Variants in PCLO observed in about 807,000 individuals in gnomAD.
PCLO encodes the protein protein piccolo.
A neutral mutation model predicts 427.5 loss-of-function variants in PCLO; 82 were observed. The ratio of observed to expected loss-of-function variants is 0.19; its 90% CI spans 0.16 to 0.23. The LOEUF (loss-of-function observed/expected upper bound fraction) is 0.23, where lower values mean the gene tolerates loss of function less well. Among genes scored for constraint, PCLO ranks in the 10% least tolerant of loss-of-function variants. The probability of loss-of-function intolerance (pLI) is 1.00; values close to 1 mark genes in which losing one functional copy is unlikely to be tolerated. For synonymous variants in PCLO, 2,357 were observed against 2,155.4 expected (o/e 1.09, Z -2.59); for missense variants, 6,239 against 6,115.9 (o/e 1.02, Z -0.67).
chr7:83,054,501 G>T (rs1260455765), intron 3 of PCLO, among the ~76,000 whole-genome samples: 2 of 151,944 alleles, frequency 1.3e-5, no homozygotes, highest in African/African-American at 4.8e-5. Context: ...TCATTTTTTA[G>T]CCGTGAGAAG....
chr7:82,809,969 T>C (rs935082887), intron 20 of PCLO, among the ~76,000 whole-genome samples: 1 of 151,576 alleles, frequency 6.6e-6, no homozygotes, highest in Non-Finnish European at 1.5e-5. Context: ...TTCAAAAAGT[T>C]CATAATCACA....
chr7:83,114,285 C>T lies in PCLO; in HGVS notation c.3300+19965G>A, dbSNP rs151117565. Among the ~76,000 whole-genome samples, 92 of 152,008 alleles carry T rather than the reference C, an allele frequency of 6.1e-4. 2 individuals are homozygous for T. In the East Asian group the frequency reaches 0.017, roughly 29 times the overall value. On this transcript the variant is annotated intron_variant, in intron 3 of 24. Transcript: ENST00000333891. ...TACAAATAAACAGGGAATTGCGATG[C>T]TATATAAGAGGGCTGACTGGAGTAT... is the stretch of plus-strand genomic sequence containing the variant.
chr7:83,003,069 C>A (rs1448300918), intron 3 of PCLO, among the ~76,000 whole-genome samples: 1 of 151,250 alleles, frequency 6.6e-6, no homozygotes, highest in Admixed American at 6.6e-5. Flanking sequence ...AAGTGTTAAA[C>A]TACAATTGGA....
chr7:83,118,821 G>A (rs1037926175), intron 3 of PCLO, among the ~76,000 whole-genome samples: 2 of 152,170 alleles, frequency 1.3e-5, no homozygotes, highest in African/African-American at 4.8e-5. Context: ...GACTGGTGGT[G>A]TGCTAGGCTC....
chr7:82,866,548 C>G (rs1290003805), intron 10 of PCLO, among the ~76,000 whole-genome samples: 1 of 151,818 alleles, frequency 6.6e-6, no homozygotes, highest in Non-Finnish European at 1.5e-5. Context: ...CTGTGGCTGA[C>G]AGTGACTACG....
chr7:83,099,430 C>A (rs1790680613), intron 3 of PCLO, among the ~76,000 whole-genome samples: 1 of 150,190 alleles, frequency 6.7e-6, no homozygotes, highest in Non-Finnish European at 1.5e-5. Flanking sequence ...CTCTTGTTGC[C>A]CAGGCTGGAG....
intron 3 of PCLO, among the ~76,000 whole-genome samples, chr7:83,009,826 G>A (rs1009898319): frequency 2.0e-5 from 3 of 151,836 alleles, no homozygotes; most frequent in African/African-American, 7.2e-5. Context: ...ATGTTTAAAA[G>A]CATTCTCTAA....
intron 3 of PCLO, among the ~76,000 whole-genome samples, chr7:83,077,523 T>C (rs2190042): frequency 0.75 from 113,658 of 151,966 alleles, 42,986 homozygotes; most frequent in African/African-American, 0.84. Flanking sequence ...AACCAGCTTC[T>C]GCCAGACTTC....
intron 3 of PCLO, among the ~76,000 whole-genome samples, chr7:82,971,438 G>C (rs1304131055): frequency 6.7e-6 from 1 of 150,138 alleles, no homozygotes; most frequent in Non-Finnish European, 1.5e-5. Flanking sequence ...GTGTGTGTGT[G>C]TATACATCTG....
At chr7:82,920,348 T>C (rs1794566727) in intron 6 of PCLO, among the ~76,000 whole-genome samples, 2 of 151,852 alleles carry the variant, frequency 1.3e-5, no homozygotes, top group Admixed American at 6.6e-5. Flanking sequence ...TTGTTTACTA[T>C]GGTTTTCTGT....
At chr7:83,102,301 A>G (rs1790756649) in intron 3 of PCLO, among the ~76,000 whole-genome samples, 1 of 151,958 alleles carries the variant, frequency 6.6e-6, no homozygotes, top group Non-Finnish European at 1.5e-5. Context: ...TACGTGATTG[A>G]AAAATCATAA....
At chr7:83,112,641 T>G (rs1791035255) in intron 3 of PCLO, among the ~76,000 whole-genome samples, 1 of 152,188 alleles carries the variant, frequency 6.6e-6, no homozygotes, top group South Asian at 2.1e-4. Context: ...GTATACTCAT[T>G]TTAAGCCAAT....
intron 22 of PCLO, among the ~76,000 whole-genome samples, chr7:82,774,564 C>T (rs912226303): frequency 6.6e-6 from 1 of 152,094 alleles, no homozygotes; most frequent in Non-Finnish European, 1.5e-5. Flanking sequence ...TTCCAAAATA[C>T]TTTAATAATT....
intron 3 of PCLO, among the ~76,000 whole-genome samples, chr7:83,048,359 G>A (rs1338860428): frequency 7.9e-5 from 12 of 151,972 alleles, no homozygotes; most frequent in Admixed American, 6.6e-5. Flanking sequence ...GTACTTTGAA[G>A]GCCAGATCAG....
chr7:82,938,370 C>T (rs533217200), intron 6 of PCLO, among the ~76,000 whole-genome samples: 237 of 151,896 alleles, frequency 1.6e-3, no homozygotes, highest in African/African-American at 5.3e-3. Flanking sequence ...TGGTTTGTTG[C>T]TTCATTCAAC....
In PCLO at chr7:82,755,422, T is replaced by A. The variant is rs1583937980; in HGVS notation, c.*3153A>T. On this transcript the variant is annotated 3_prime_UTR_variant, in exon 25 of 25. Transcript: ENST00000333891. ...ACCAACTTCGTGCTACTAGGGTTAT[T>A]TGTGTCTGTAATGACTATTCTATAT... is the stretch of plus-strand genomic sequence containing the variant. The A allele has an allele frequency of 6.6e-6, 1 of 152,104 alleles. No individual in the cohort carries two copies. Among genetic ancestry groups the A allele is most frequent in the East Asian group, 1.9e-4 (1 of 5,190 alleles). The allele number at this position is 152,104 out of a possible 1,614,324, so 9.4% of individuals were successfully genotyped here.
intron 6 of PCLO, among the ~76,000 whole-genome samples, chr7:82,933,814 AAG>A (rs1488230633): frequency 6.6e-6 from 1 of 151,998 alleles, no homozygotes; most frequent in Non-Finnish European, 1.5e-5. Flanking sequence ...CTGTCTTTAC[AAG>A]TGAATTTTCC....
In PCLO at chr7:82,966,209, T is replaced by A. The variant is rs765390976; in HGVS notation, c.3579A>T (p.Gln1193His). The A allele has an allele frequency of 7.4e-6, 12 of 1,611,414 alleles. No homozygotes were observed. In the South Asian group the frequency reaches 1.3e-4, roughly 18 times the overall value. ...TCTCTAGTTTACTCTCTTCTTGTTT[T>A]TGATCTGTGGTTACCATAGGAGGAA... The part of the protein sequence containing the change: ...EKIPPMVTTD[Q>H]KQEESKLEKD... The change falls in exon 4 of 25, where the codon CAA becomes CAT. Residue 1193 changes from glutamine (Q) to histidine (H), a missense_variant. Around this residue, in one of 5 missense-constraint regions of PCLO, gnomAD observed 4,677 missense variants for 4,468.4 expected, o/e 1.05. Transcript: ENST00000333891.
At chr7:83,083,367 C>G (rs1287526245) in intron 3 of PCLO, among the ~76,000 whole-genome samples, 2 of 151,848 alleles carry the variant, frequency 1.3e-5, no homozygotes, top group Non-Finnish European at 2.9e-5. Context: ...AAACAGTATA[C>G]ACAAAAAGTG....
Sources: gnomAD v4.1 joint callset for allele counts (sites outside exome capture counted in the v4.1 genomes callset) on GRCh38, gnomAD v4.1.1 for gene constraint, gnomAD v4.1.1 regional missense constraint, MANE v1.5 for transcripts, NCBI Gene and HGNC (gene_info 2026-07-23, HGNC 2026-07-21) for gene names.